The following ELP4 variants were observed in gnomAD, a reference collection of about 807,000 sequenced individuals.
ELP4 encodes the protein elongator complex protein 4.
ELP4 carries 51 observed loss-of-function variants against 48.9 expected under a neutral mutation model. The observed-to-expected ratio is 1.04, with a 90% CI of 0.83 to 1.32. The LOEUF (loss-of-function observed/expected upper bound fraction) is 1.32. ELP4 is among the 40% of genes most tolerant of loss of function. The pLI is 0.00. For missense variants in ELP4, 519 were observed against 514.6 expected, an observed-to-expected ratio of 1.01 and a Z score of -0.08; for synonymous variants, 210 against 189.2, an observed-to-expected ratio of 1.11 and a Z score of -0.90.
chr11:31,779,239 G>A (rs1002362040), intron 9 of ELP4, among the ~76,000 whole-genome samples: 1 of 152,138 alleles, frequency 6.6e-6, no homozygotes, highest in Non-Finnish European at 1.5e-5. Context: ...TGATGGTTTG[G>A]TCTTGGCAAA....
chr11:31,678,411 A>G (rs890361129), intron 9 of ELP4, among the ~76,000 whole-genome samples: 1 of 152,042 alleles, frequency 6.6e-6, no homozygotes, highest in Non-Finnish European at 1.5e-5. Flanking sequence ...GTCGCACACC[A>G]CTGCACTCCA....
intron 9 of ELP4, among the ~76,000 whole-genome samples, chr11:31,685,873 G>C (rs1946149838): frequency 6.6e-6 from 1 of 150,922 alleles, no homozygotes; most frequent in African/African-American, 2.4e-5. Flanking sequence ...GGAGGTTACA[G>C]TGATCCGAGA....
intron 5 of ELP4, among the ~76,000 whole-genome samples, chr11:31,611,263 T>G (rs924156301): frequency 2.0e-5 from 3 of 152,250 alleles, no homozygotes; most frequent in African/African-American, 7.2e-5. Context: ...AATGAATACA[T>G]GAAATGTGAC....
chr11:31,538,955 T>C (rs1174575395), intron 2 of ELP4, among the ~76,000 whole-genome samples: 1 of 152,178 alleles, frequency 6.6e-6, no homozygotes, highest in Non-Finnish European at 1.5e-5. Context: ...TTGATTTTGA[T>C]GTTAGAGTAA....
chr11:31,522,357 C>G (rs1565034043), intron 2 of ELP4, among the ~76,000 whole-genome samples: 1 of 152,116 alleles, frequency 6.6e-6, no homozygotes, highest in Non-Finnish European at 1.5e-5. Context: ...ATTATAGTGT[C>G]CTGGGTATTC....
At chr11:31,520,155 A>G in intron 2 of ELP4, 64 bp downstream of exon 2, 1 of 1,372,124 alleles carries the variant, frequency 7.3e-7, no homozygotes, top group Non-Finnish European at 1.0e-6. Flanking sequence ...TAATCATTTT[A>G]TCCAATTCCC....
intron 3 of ELP4, among the ~76,000 whole-genome samples, chr11:31,590,421 C>T (rs1271601742): frequency 3.9e-5 from 6 of 152,092 alleles, no homozygotes. Context: ...AATTCACTTT[C>T]AATGTATCAA....
chr11:31,539,860 T>C (rs1592096108), intron 3 of ELP4, 77 bp downstream of exon 3: 1 of 1,230,874 alleles, frequency 8.1e-7, no homozygotes. Flanking sequence ...AAACAAGATA[T>C]ATGTTTGTAT....
At chr11:31,599,924 G>A (rs1477275729) in intron 4 of ELP4, 1 of 152,120 alleles carries the variant, frequency 6.6e-6, no homozygotes, top group Non-Finnish European at 1.5e-5. Flanking sequence ...CATTCAGGGT[G>A]GTTTGGCCGT....
intron 3 of ELP4, among the ~76,000 whole-genome samples, chr11:31,548,936 T>C (rs1956786240): frequency 2.0e-5 from 3 of 152,014 alleles, no homozygotes; most frequent in Non-Finnish European, 2.9e-5. Flanking sequence ...TAGCCATATG[T>C]AGAAAGCTGA....
At position 31,737,576 on chromosome 11, in the gene ELP4, A is replaced by G. The variant is rs904317467; in HGVS notation, c.1144-45817A>G. ...AAATACTTGCAAATCTGTAAACCAT[A>G]TATCTGTTAAGGGATTAACATCCAA... On this transcript the variant is annotated intron_variant, in intron 9 of 9. Coordinates refer to ENST00000640961, the MANE Select transcript of ELP4 (RefSeq NM_019040.5). Among the ~76,000 whole-genome samples, 25 of 152,190 alleles carry G rather than the reference A, an allele frequency of 1.6e-4. 1 individual carries two copies. The highest frequency in any genetic ancestry group is 4.6e-4 in the Admixed American group (7 of 15,280).
chr11:31,715,033 TTC>T (rs892403112), intron 9 of ELP4: 1 of 379,414 alleles, frequency 2.6e-6, no homozygotes, highest in African/African-American at 2.1e-5. Context: ...ACACATTTCT[TTC>T]ATTTTTACTC....
At position 31,546,549 on chromosome 11, in the gene ELP4, C is replaced by G. The variant is rs1031538341; in HGVS notation, c.381+6766C>G. On this transcript the variant is annotated intron_variant, in intron 3 of 9. Coordinates refer to ENST00000640961, the MANE Select transcript of ELP4 (RefSeq NM_019040.5). ...ACATTAATAGTGGGAGATTTTAACA[C>G]CCCACTGTCAACATTAGACAGATCA... 7.2e-5 allele frequency among the ~76,000 whole-genome samples: 11 copies of G among 152,110 alleles called. 1 individual carries two copies. The highest frequency in any genetic ancestry group is 2.0e-4 in the Admixed American group (3 of 15,272).
In ELP4 at chr11:31,539,763, G is replaced by A. The variant is rs1375833060; in HGVS notation, c.361G>A (p.Asp121Asn). The change falls in exon 3 of 10, where the codon GAT (aspartate) becomes AAT (asparagine). Residue 121 changes from aspartate (D) to asparagine (N), a missense_variant. Asp to Asn is a conservative substitution (Grantham distance 23). Transcript: ENST00000640961. ...HTLLVASAKE[D>N]PANILQELPA... ...TTTGTTGGTTGCATCTGCTAAAGAGGATCCTGCCAACATTTTACAGGTATA... is the reference window on the plus strand; with the variant it reads ...TTTGTTGGTTGCATCTGCTAAAGAGAATCCTGCCAACATTTTACAGGTATA... 1.6e-5 allele frequency: 25 copies of A among 1,608,312 alleles called. No individual in the cohort carries two copies. The highest frequency in any genetic ancestry group is 2.0e-5 in the Non-Finnish European group (24 of 1,177,890).
intron 5 of ELP4, among the ~76,000 whole-genome samples, chr11:31,626,301 A>C (rs1426864432): frequency 6.6e-6 from 1 of 151,840 alleles, no homozygotes; most frequent in Admixed American, 6.6e-5. Context: ...GGTCACCCAC[A>C]GCTTTTACAG....
At chr11:31,543,986 A>G (rs533408791) in intron 3 of ELP4, among the ~76,000 whole-genome samples, 75 of 152,384 alleles carry the variant, frequency 4.9e-4, no homozygotes, top group Middle Eastern at 3.4e-3. Flanking sequence ...AAAAATCAAA[A>G]TAATGCCAAA....
chr11:31,748,834 T>A (rs1015500320), intron 9 of ELP4, among the ~76,000 whole-genome samples: 5 of 152,010 alleles, frequency 3.3e-5, no homozygotes, highest in Non-Finnish European at 4.4e-5. Context: ...CAAGACCCCA[T>A]CTGTATCAAA....
chr11:31,758,670 C>CTTTTT (rs35783140), intron 9 of ELP4, among the ~76,000 whole-genome samples: 1 of 140,686 alleles, frequency 7.1e-6, no homozygotes, highest in African/African-American at 2.6e-5. Context: ...GAGGGTGGAA[C>CTTTTT]TTTTTTTTTT....
intron 5 of ELP4, among the ~76,000 whole-genome samples, chr11:31,620,620 C>T (rs1944600877): frequency 6.6e-6 from 1 of 151,878 alleles, no homozygotes. Flanking sequence ...AGTCATGACC[C>T]AGAGTTGGGT....
Sources: allele counts gnomAD v4.1 joint callset (sites outside exome capture counted in the v4.1 genomes callset), GRCh38; gene constraint gnomAD v4.1.1; transcripts MANE v1.5; gene names NCBI Gene and HGNC (gene_info 2026-07-23, HGNC 2026-07-21).